LRP1B: variants seen among roughly 807,000 people sequenced by gnomAD.
LRP1B encodes LDL receptor related protein 1B.
LRP1B carries 217 observed loss-of-function variants against 556.6 expected under a neutral mutation model. The ratio of observed to expected loss-of-function variants is 0.39; its 90% CI spans 0.35 to 0.44. The LOEUF (loss-of-function observed/expected upper bound fraction) is 0.44. Ranked by LOEUF, LRP1B falls within the 20% of genes least tolerant of loss-of-function variation. The pLI, the probability that LRP1B is intolerant of heterozygous loss-of-function variation, is 1.00. For missense variants in LRP1B, 5,053 were observed against 5,620.8 expected (o/e 0.90, Z 3.23); for synonymous variants, 2,047 against 1,865.8 (o/e 1.10, Z -2.50).
intron 77 of LRP1B, among the ~76,000 whole-genome samples, chr2:140,347,812 T>C (rs1445596845): frequency 6.6e-6 from 1 of 151,982 alleles, no homozygotes; most frequent in Non-Finnish European, 1.5e-5. Context: ...AGTTTTATTT[T>C]TCAAGGGGTG....
At chr2:140,566,082 G>A (rs1371619585) in intron 43 of LRP1B, among the ~76,000 whole-genome samples, 2 of 152,150 alleles carry the variant, frequency 1.3e-5, no homozygotes, top group Admixed American at 6.6e-5. Context: ...TACTGATGGT[G>A]TGTATGTGGC....
intron 11 of LRP1B, among the ~76,000 whole-genome samples, chr2:141,038,553 C>T (rs1216777859): frequency 6.6e-6 from 1 of 152,082 alleles, no homozygotes; most frequent in Non-Finnish European, 1.5e-5. Flanking sequence ...ATGACTATTA[C>T]TACTCCCTAA....
chr2:140,998,782 C>T (rs530417633), intron 15 of LRP1B, among the ~76,000 whole-genome samples: 1 of 152,008 alleles, frequency 6.6e-6, no homozygotes, highest in African/African-American at 2.4e-5. Context: ...TGAACATTTG[C>T]CAGTGGATTT....
chr2:140,787,041 A>G (rs113509208), intron 32 of LRP1B, among the ~76,000 whole-genome samples: 37 of 152,358 alleles, frequency 2.4e-4, no homozygotes, highest in African/African-American at 8.7e-4. Flanking sequence ...AAGAAGAGGA[A>G]GAGCAGGATG....
chr2:141,402,231 G>A (rs1385540605), intron 3 of LRP1B, among the ~76,000 whole-genome samples: 1 of 151,974 alleles, frequency 6.6e-6, no homozygotes, highest in Admixed American at 6.6e-5. Flanking sequence ...TTTGAACTAG[G>A]AGTTGTAGTT....
intron 15 of LRP1B, among the ~76,000 whole-genome samples, chr2:140,995,290 G>A (rs535744971): frequency 5.3e-5 from 8 of 151,868 alleles, no homozygotes; most frequent in Admixed American, 3.9e-4. Flanking sequence ...TTTGTTTTTC[G>A]GCCATACAGA....
At position 140,619,886 on chromosome 2, in the gene LRP1B, TCAAA is replaced by T. The variant is rs539138564; in HGVS notation, c.6800-18251_6800-18248del. Among the ~76,000 whole-genome samples the T allele has an allele frequency of 4.8e-3, 731 of 152,258 alleles. 12 individuals carry two copies. Among genetic ancestry groups the T allele is most frequent in the African/African-American group, 0.016 (671 of 41,552 alleles). On this transcript the variant is annotated intron_variant, in intron 41 of 90. Coordinates refer to ENST00000389484, the MANE Select transcript of LRP1B (RefSeq NM_018557.3). Reference sequence around the variant, plus strand: ...AAAGATACTTATGACCAAAAAAGTGTCAAACAAATATGATAGATTCATACATTAA... The same window carrying T: ...AAAGATACTTATGACCAAAAAAGTGTCAAATATGATAGATTCATACATTAA...
chr2:141,412,872 C>T (rs904699856), intron 3 of LRP1B, among the ~76,000 whole-genome samples: 13 of 151,896 alleles, frequency 8.6e-5, no homozygotes, highest in African/African-American at 2.9e-4. Context: ...TATTCATGCC[C>T]GAATCCTGAA....
At chr2:141,634,833 C>T (rs1328968950) in intron 2 of LRP1B, among the ~76,000 whole-genome samples, 1 of 151,778 alleles carries the variant, frequency 6.6e-6, no homozygotes, top group Non-Finnish European at 1.5e-5. Context: ...TTTGACTGGA[C>T]CATTGATTTT....
chr2:141,699,584 G>T (rs1431933274), intron 2 of LRP1B, among the ~76,000 whole-genome samples: 1 of 151,282 alleles, frequency 6.6e-6, no homozygotes, highest in Non-Finnish European at 1.5e-5. Context: ...TATTTAACCT[G>T]TACCCTGTTA....
intron 1 of LRP1B, among the ~76,000 whole-genome samples, chr2:141,982,040 C>A (rs1402054241): frequency 6.6e-6 from 1 of 152,100 alleles, no homozygotes; most frequent in Non-Finnish European, 1.5e-5. Flanking sequence ...CTATCACTGA[C>A]CAAGTAAAAA....
intron 1 of LRP1B, among the ~76,000 whole-genome samples, chr2:142,013,501 A>G (rs1192234167): frequency 6.6e-6 from 1 of 152,162 alleles, no homozygotes; most frequent in East Asian, 1.9e-4. Flanking sequence ...TATAAGTATT[A>G]AGTATGCACA....
intron 41 of LRP1B, among the ~76,000 whole-genome samples, chr2:140,626,714 A>G (rs1462144261): frequency 1.4e-5 from 2 of 138,386 alleles, no homozygotes; most frequent in Non-Finnish European, 3.1e-5. Context: ...AAAAAAAAAA[A>G]AAAGAGTAAA....
At chr2:140,709,574 T>C (rs1418454587) in intron 37 of LRP1B, among the ~76,000 whole-genome samples, 2 of 151,994 alleles carry the variant, frequency 1.3e-5, no homozygotes, top group South Asian at 2.1e-4. Context: ...TCATACATGA[T>C]TCCTATTTTG....
At chr2:140,798,624 AT>A (rs1690401257) in intron 32 of LRP1B, among the ~76,000 whole-genome samples, 2 of 152,188 alleles carry the variant, frequency 1.3e-5, no homozygotes, top group African/African-American at 4.8e-5. Flanking sequence ...TTTACCCCAA[AT>A]AGTTCCTTGT....
intron 11 of LRP1B, among the ~76,000 whole-genome samples, chr2:141,021,008 C>A (rs914656186): frequency 1.3e-5 from 2 of 152,078 alleles, no homozygotes; most frequent in East Asian, 3.9e-4. Flanking sequence ...AACTACGATT[C>A]CATTCTTCTG....
Position 141,017,452 on chromosome 2 carries a change from T to C in LRP1B, c.1971-1537A>G, listed in dbSNP as rs543861073. 3.3e-5 allele frequency among the ~76,000 whole-genome samples: 5 copies of C among 151,562 alleles called. No homozygotes were observed. In the South Asian group the frequency reaches 8.3e-4, roughly 25 times the overall value. The stretch of plus-strand genomic sequence containing the variant: ...CTGTGACTCAAATCACACATACATG[T>C]GCCTGTGTATACAGAAACACACACA... On this transcript the variant is annotated intron_variant, in intron 12 of 90. Coordinates refer to ENST00000389484, the MANE Select transcript of LRP1B (RefSeq NM_018557.3).
At chr2:141,743,268 T>A (rs1558844016) in intron 2 of LRP1B, among the ~76,000 whole-genome samples, 1 of 152,188 alleles carries the variant, frequency 6.6e-6, no homozygotes, top group Non-Finnish European at 1.5e-5. Context: ...CACCCTTGTA[T>A]CCTTGGGATA....
chr2:140,755,795 T>C (rs1430930388), intron 35 of LRP1B, among the ~76,000 whole-genome samples: 2 of 152,048 alleles, frequency 1.3e-5, no homozygotes, highest in Non-Finnish European at 2.9e-5. Context: ...ATGTGTCTTC[T>C]AAACATTTCT....
Sources: gnomAD v4.1 joint callset for allele counts (sites outside exome capture counted in the v4.1 genomes callset) on GRCh38, gnomAD v4.1.1 for gene constraint, MANE v1.5 for transcripts, NCBI Gene and HGNC (gene_info 2026-07-23, HGNC 2026-07-21) for gene names.